Variants in FYB1 observed in about 807,000 individuals in gnomAD.
FYB1 encodes FYN-binding protein 1.
In FYB1, 41 loss-of-function variants were observed where a neutral mutation model predicts 94.1. The observed-to-expected ratio is 0.44, with a 90% CI of 0.34 to 0.57. The LOEUF (loss-of-function observed/expected upper bound fraction) is 0.57, where lower values mean the gene tolerates loss of function less well. FYB1 is among the 20% of genes least tolerant of loss of function. FYB1 has a pLI of 0.02. For synonymous variants in FYB1, 367 were observed against 353.2 expected (o/e 1.04, Z -0.44); for missense variants, 1,050 against 976.8 (o/e 1.07, Z -1.00).
At chr5:39,215,251 A>G (rs1749754626) in intron 1 of FYB1, among the ~76,000 whole-genome samples, 1 of 152,260 alleles carries the variant, frequency 6.6e-6, no homozygotes, top group Admixed American at 6.5e-5. Context: ...GAAGAATTAT[A>G]AATTTAAATT....
intron 2 of FYB1, among the ~76,000 whole-genome samples, chr5:39,188,776 G>A (rs946135465): frequency 2.0e-5 from 3 of 151,794 alleles, no homozygotes; most frequent in Non-Finnish European, 2.9e-5. Flanking sequence ...CAGGTAATCC[G>A]CCCGTCTCAG....
chr5:39,127,831 C>A (rs1740836277), intron 10 of FYB1, 24 bp from the exon 11 acceptor site: 2 of 1,579,972 alleles, frequency 1.3e-6, no homozygotes, highest in East Asian at 4.6e-5. Flanking sequence ...GGAGGAAAAT[C>A]TTCTGTTAAT....
intron 11 of FYB1, 85 bp from the exon 12 acceptor site, chr5:39,126,220 A>G: frequency 1.4e-6 from 2 of 1,396,548 alleles, no homozygotes; most frequent in Non-Finnish European, 2.0e-6. Context: ...CTTTATAATC[A>G]TTAATCATTA....
At chr5:39,241,508 C>T (rs1751205082) in intron 1 of FYB1, among the ~76,000 whole-genome samples, 1 of 152,144 alleles carries the variant, frequency 6.6e-6, no homozygotes, top group African/African-American at 2.4e-5. Flanking sequence ...TTCCCTTCCT[C>T]CTACCTCTCC....
chr5:39,201,315 G>A (rs1393575584), intron 2 of FYB1, among the ~76,000 whole-genome samples: 1 of 152,146 alleles, frequency 6.6e-6, no homozygotes, highest in African/African-American at 2.4e-5. Flanking sequence ...ATGTTCAATA[G>A]CATCCCTAGC....
chr5:39,255,592 C>G (rs879561861), intron 1 of FYB1, among the ~76,000 whole-genome samples: 1 of 152,144 alleles, frequency 6.6e-6, no homozygotes, highest in Non-Finnish European at 1.5e-5. Context: ...ATTTTCCACA[C>G]CTAGATACTG....
intron 3 of FYB1, among the ~76,000 whole-genome samples, chr5:39,147,898 T>G (rs1311553884): frequency 2.0e-5 from 3 of 150,798 alleles, no homozygotes. Context: ...GTCAGGATGG[T>G]CTCAATCTCC....
chr5:39,137,577 C>T (rs1020731792), intron 7 of FYB1, 23 bp downstream of exon 7: 1 of 1,532,484 alleles, frequency 6.5e-7, no homozygotes. Context: ...TATTCTTTCA[C>T]TCATTAGCAA....
intron 2 of FYB1, among the ~76,000 whole-genome samples, chr5:39,163,219 A>G (rs1301726978): frequency 5.9e-5 from 9 of 152,332 alleles, no homozygotes; most frequent in Admixed American, 5.9e-4. Context: ...AACCATTGTG[A>G]ATGGGAAATT....
intron 1 of FYB1, among the ~76,000 whole-genome samples, chr5:39,253,088 C>G (rs72736558): frequency 0.031 from 4,730 of 152,210 alleles, 99 homozygotes; most frequent in Middle Eastern, 0.041. Context: ...TTTTCTATTC[C>G]TAAAGAAAAG....
chr5:39,192,492 GA>G (rs1357792765), intron 2 of FYB1, among the ~76,000 whole-genome samples: 1 of 152,174 alleles, frequency 6.6e-6, no homozygotes, highest in Non-Finnish European at 1.5e-5. Flanking sequence ...TACTAAAGTT[GA>G]TACAATGCCA....
intron 3 of FYB1, among the ~76,000 whole-genome samples, chr5:39,142,817 C>T (rs959403627): frequency 1.3e-5 from 2 of 152,204 alleles, no homozygotes; most frequent in African/African-American, 4.8e-5. Context: ...ATCCACTGGA[C>T]CCTCTCAAAC....
At chr5:39,242,932 T>C (rs1312265491) in intron 1 of FYB1, among the ~76,000 whole-genome samples, 4 of 152,242 alleles carry the variant, frequency 2.6e-5, no homozygotes, top group Non-Finnish European at 5.9e-5. Flanking sequence ...GCTGCATAAA[T>C]ATCTTCTTTT....
At chr5:39,210,618 G>A (rs1380057216) in intron 1 of FYB1, among the ~76,000 whole-genome samples, 1 of 152,250 alleles carries the variant, frequency 6.6e-6, no homozygotes, top group Non-Finnish European at 1.5e-5. Context: ...AACCTTCAAT[G>A]TTCTTTTCCT....
intron 2 of FYB1, chr5:39,170,351 C>T (rs1316995919): frequency 9.5e-6 from 11 of 1,152,926 alleles, no homozygotes; most frequent in African/African-American, 1.6e-5. Context: ...GCAGAATAAT[C>T]CTATTGGCAA....
rs972878769 is a variant in FYB1, at chr5:39,228,523, TA to T, written c.-27-25537del. Among the ~76,000 whole-genome samples the T allele has an allele frequency of 3.6e-3, 417 of 116,102 alleles. 2 individuals carry two copies. The highest frequency in any genetic ancestry group is 0.02 in the African/African-American group (277 of 13,822). The allele number at this position is 116,102 out of a possible 152,430, so 76.2% of individuals were successfully genotyped here. A position where few individuals can be genotyped will look rare whatever the true frequency, so the allele number is the denominator to read the frequency against. ...TGCCAACTTTGGAAAAGTTGTCACCTATAGTAATGTGTTGTCAGTTTCTTTC... is the reference window on the plus strand; with the variant it reads ...TGCCAACTTTGGAAAAGTTGTCACCTTAGTAATGTGTTGTCAGTTTCTTTC... On this transcript the variant is annotated intron_variant, in intron 1 of 1. Transcript: ENST00000510188.
intron 3 of FYB1, among the ~76,000 whole-genome samples, chr5:39,144,384 T>A (rs1330679344): frequency 6.6e-6 from 1 of 152,164 alleles, no homozygotes; most frequent in African/African-American, 2.4e-5. Context: ...ATAGCTATAT[T>A]ATAGAGAGCA....
intron 2 of FYB1, among the ~76,000 whole-genome samples, chr5:39,165,310 G>T (rs887716974): frequency 6.6e-6 from 1 of 152,130 alleles, no homozygotes; most frequent in Non-Finnish European, 1.5e-5. Flanking sequence ...CAATGGAATG[G>T]AATAGAGAGC....
intron 2 of FYB1, among the ~76,000 whole-genome samples, chr5:39,192,368 A>G (rs369428601): frequency 1.7e-4 from 26 of 152,250 alleles, no homozygotes; most frequent in African/African-American, 6.0e-4. Flanking sequence ...TAGGTAAATC[A>G]TCTCACAATG....
Sources: allele counts gnomAD v4.1 joint callset (sites outside exome capture counted in the v4.1 genomes callset), GRCh38; gene constraint gnomAD v4.1.1; transcripts MANE v1.5; gene names NCBI Gene and HGNC (gene_info 2026-07-23, HGNC 2026-07-21).